FHIT: variants seen among roughly 807,000 people sequenced by gnomAD.
FHIT encodes bis(5'-adenosyl)-triphosphatase.
FHIT carries 19 observed loss-of-function variants against 17.9 expected under a neutral mutation model. The observed-to-expected ratio is 1.06, with a 90% CI of 0.74 to 1.56. FHIT has a LOEUF of 1.56. Ranked by LOEUF, FHIT falls within the 40% of genes most tolerant of loss-of-function variation. The probability of loss-of-function intolerance (pLI) is 0.00; values close to 1 mark genes in which losing one functional copy is unlikely to be tolerated. For missense variants in FHIT, 248 were observed against 189.2 expected (o/e 1.31, Z -1.82); for synonymous variants, 81 against 69.7 (o/e 1.16, Z -0.81).
chr3:60,671,287 G>A (rs902809690), intron 4 of FHIT, among the ~76,000 whole-genome samples: 2 of 151,998 alleles, frequency 1.3e-5, no homozygotes, highest in African/African-American at 4.8e-5. Context: ...ATAGATAAAA[G>A]TATAAATTAT....
chr3:59,784,082 G>C (rs1482621857), intron 8 of FHIT, among the ~76,000 whole-genome samples: 2 of 152,170 alleles, frequency 1.3e-5, no homozygotes, highest in Non-Finnish European at 2.9e-5. Context: ...GCCAAAAAAT[G>C]ATATAAAAAT....
chr3:60,238,206 C>T (rs1034076060), intron 5 of FHIT, among the ~76,000 whole-genome samples: 3 of 151,466 alleles, frequency 2.0e-5, no homozygotes. Context: ...TGGACACTCC[C>T]TCCCTTTCTT....
intron 5 of FHIT, among the ~76,000 whole-genome samples, chr3:60,344,256 T>A (rs1710666887): frequency 6.6e-6 from 1 of 152,222 alleles, no homozygotes; most frequent in Non-Finnish European, 1.5e-5. Flanking sequence ...ATTTACATTT[T>A]TACTGTTTTC....
intron 5 of FHIT, among the ~76,000 whole-genome samples, chr3:60,289,589 C>T (rs1177221301): frequency 1.3e-5 from 2 of 152,090 alleles, no homozygotes; most frequent in South Asian, 2.1e-4. Flanking sequence ...TGTTCAAAAG[C>T]CTTTTATAGT....
At chr3:61,235,631 G>A (rs977672867) in intron 1 of FHIT, among the ~76,000 whole-genome samples, 1 of 152,070 alleles carries the variant, frequency 6.6e-6, no homozygotes, top group Non-Finnish European at 1.5e-5. Flanking sequence ...GAACCCAGGA[G>A]GCGGAGGTTG....
chr3:60,624,284 A>C (rs1466368903), intron 4 of FHIT, among the ~76,000 whole-genome samples: 1 of 152,228 alleles, frequency 6.6e-6, no homozygotes, highest in Non-Finnish European at 1.5e-5. Flanking sequence ...TTTTTAAGTC[A>C]GCCATGCTGA....
intron 8 of FHIT, among the ~76,000 whole-genome samples, chr3:59,913,579 T>C (rs1458142990): frequency 6.6e-6 from 1 of 152,208 alleles, no homozygotes; most frequent in African/African-American, 2.4e-5. Context: ...TATTCTCAAA[T>C]ATTACATTTA....
intron 4 of FHIT, among the ~76,000 whole-genome samples, chr3:60,734,025 A>T (rs2107994285): frequency 6.6e-6 from 1 of 152,304 alleles, no homozygotes; most frequent in South Asian, 2.1e-4. Context: ...ATGAAAGAAG[A>T]ATCCGTCTGT....
rs569577016 is a variant in FHIT, at chr3:61,168,087, T to C, written c.-164+32530A>G. 8.3e-4 allele frequency among the ~76,000 whole-genome samples: 126 copies of C among 152,318 alleles called. 1 individual carries two copies. Among genetic ancestry groups the C allele is most frequent in the Middle Eastern group, 3.4e-3 (1 of 294 alleles). ...ACAAATTAAGAATGATTTTTACATT[T>C]TAAAAGCACTGAAAAAATTCAAAAG... On this transcript the variant is annotated intron_variant, in intron 2 of 9. Transcript: ENST00000492590.
chr3:59,954,309 C>CA (rs1707285325), intron 7 of FHIT, among the ~76,000 whole-genome samples: 1 of 149,542 alleles, frequency 6.7e-6, no homozygotes, highest in Non-Finnish European at 1.5e-5. Flanking sequence ...CTGAAGATCC[C>CA]AGGCTTTCAG....
At chr3:61,241,494 C>T (rs2040372081) in intron 1 of FHIT, among the ~76,000 whole-genome samples, 2 of 152,178 alleles carry the variant, frequency 1.3e-5, no homozygotes, top group African/African-American at 4.8e-5. Flanking sequence ...GTTCTTACCA[C>T]ATTCCACAGA....
At chr3:60,105,575 G>T (rs751464855) in intron 5 of FHIT, among the ~76,000 whole-genome samples, 2 of 152,094 alleles carry the variant, frequency 1.3e-5, no homozygotes, top group Non-Finnish European at 2.9e-5. Context: ...CAACACCAAA[G>T]CTGTGTGTCA....
chr3:61,218,659 G>A (rs2039751664), intron 1 of FHIT, among the ~76,000 whole-genome samples: 1 of 152,206 alleles, frequency 6.6e-6, no homozygotes, highest in Admixed American at 6.5e-5. Context: ...AGGTTCCTGA[G>A]AAGGTTGAAA....
At chr3:60,859,222 A>C (rs1237890669) in intron 3 of FHIT, among the ~76,000 whole-genome samples, 1 of 152,160 alleles carries the variant, frequency 6.6e-6, no homozygotes, top group Non-Finnish European at 1.5e-5. Flanking sequence ...ACCTGTGTTC[A>C]TCTCTGGGCT....
intron 5 of FHIT, among the ~76,000 whole-genome samples, chr3:60,411,228 G>T (rs562836818): frequency 1.1e-4 from 17 of 152,194 alleles, no homozygotes; most frequent in African/African-American, 3.4e-4. Flanking sequence ...TAAATCTGAT[G>T]ACTTGGGTCT....
chr3:60,068,092 C>T (rs951171347), intron 5 of FHIT, among the ~76,000 whole-genome samples: 2 of 151,966 alleles, frequency 1.3e-5, no homozygotes, highest in African/African-American at 2.4e-5. Context: ...AAAAATTAGC[C>T]AAGTGTGATG....
At chr3:60,916,008 C>T (rs1706982177) in intron 3 of FHIT, among the ~76,000 whole-genome samples, 2 of 152,112 alleles carry the variant, frequency 1.3e-5, no homozygotes, top group Admixed American at 1.3e-4. Flanking sequence ...TTTAAATTTC[C>T]ATGACTACAA....
At chr3:59,939,258 G>A (rs1398453558) in intron 7 of FHIT, among the ~76,000 whole-genome samples, 1 of 152,134 alleles carries the variant, frequency 6.6e-6, no homozygotes, top group Non-Finnish European at 1.5e-5. Context: ...CTTTTTCAGT[G>A]CAGAATGGAA....
chr3:61,028,239 G>T (rs1388370103), intron 3 of FHIT, among the ~76,000 whole-genome samples: 2 of 152,180 alleles, frequency 1.3e-5, no homozygotes, highest in African/African-American at 4.8e-5. Context: ...GCAACTTAGG[G>T]AAAGTCAAGA....
Sources: allele counts gnomAD v4.1 joint callset (sites outside exome capture counted in the v4.1 genomes callset), GRCh38; gene constraint gnomAD v4.1.1; transcripts MANE v1.5; gene names NCBI Gene and HGNC (gene_info 2026-07-23, HGNC 2026-07-21).